Variants in CACNA1C observed in about 807,000 individuals in gnomAD.
The protein encoded by CACNA1C is calcium voltage-gated channel subunit alpha1 C, also known as voltage-dependent L-type calcium channel subunit alpha-1C.
Under a neutral mutation model 229.0 loss-of-function variants are expected in CACNA1C, and 30 were observed. The observed-to-expected ratio is 0.13, with a 90% CI of 0.10 to 0.18. CACNA1C has a LOEUF of 0.18. Ranked by LOEUF, CACNA1C falls within the 10% of genes least tolerant of loss-of-function variation. CACNA1C has a pLI of 1.00. For missense variants in CACNA1C, 1,658 were observed against 2,845.0 expected (o/e 0.58, Z 9.49); for synonymous variants, 1,114 against 1,132.5 (o/e 0.98, Z 0.33).
chr12:2,610,425 C>T (rs938978993), intron 27 of CACNA1C, 116 bp from the exon 28 acceptor site: 83 of 1,052,396 alleles, frequency 7.9e-5, no homozygotes, highest in African/African-American at 1.4e-4. Flanking sequence ...CTCAGACTTC[C>T]GGAGAACCCC....
At chr12:1,981,580 CAT>C (rs1362255857) in intron 1 of CACNA1C, among the ~76,000 whole-genome samples, 43 of 152,278 alleles carry the variant, frequency 2.8e-4, no homozygotes, top group African/African-American at 7.2e-4. Context: ...TATATGTTTA[CAT>C]GTCTGTCTTT....
chr12:2,604,824 A>G (rs1221853020), intron 22 of CACNA1C, among the ~76,000 whole-genome samples: 1 of 152,138 alleles, frequency 6.6e-6, no homozygotes, highest in African/African-American at 2.4e-5. Flanking sequence ...TACATTGCTA[A>G]TGACCTGCCA....
At chr12:2,289,722 T>C (rs2093248007) in intron 3 of CACNA1C, among the ~76,000 whole-genome samples, 1 of 151,832 alleles carries the variant, frequency 6.6e-6, no homozygotes, top group African/African-American at 2.4e-5. Context: ...ATATGGGCAA[T>C]GATCCAAGCT....
chr12:2,069,617 T>C (rs764505374), intron 1 of CACNA1C, among the ~76,000 whole-genome samples: 1 of 152,224 alleles, frequency 6.6e-6, no homozygotes, highest in Non-Finnish European at 1.5e-5. Context: ...ACCATTTAAT[T>C]TTCCCATGTC....
At chr12:2,676,295 T>C (rs11062310) in intron 39 of CACNA1C, 22,893 of 151,900 alleles carry the variant, frequency 0.15, 3,411 homozygotes, top group African/African-American at 0.38. Flanking sequence ...CTGCTATGGA[T>C]GTGGCTATTT....
rs567711268 is a variant in CACNA1C, at chr12:2,320,362, A to G, written c.478-128614A>G. Among the ~76,000 whole-genome samples, 7 of 152,328 alleles carry G rather than the reference A, an allele frequency of 4.6e-5. No individual in the cohort carries two copies. In the South Asian group the frequency reaches 1.5e-3, roughly 32 times the overall value. ...CCATGTATTTGTTGAATATGTATGCATATTTTAGCAAAAATAAAAAGTAAG... is the reference window on the plus strand; with the variant it reads ...CCATGTATTTGTTGAATATGTATGCGTATTTTAGCAAAAATAAAAAGTAAG... On this transcript the variant is annotated intron_variant, in intron 3 of 46. Coordinates refer to ENST00000399655, the MANE Select transcript of CACNA1C (RefSeq NM_000719.7).
intron 3 of CACNA1C, among the ~76,000 whole-genome samples, chr12:2,237,554 A>G (rs2067921362): frequency 6.6e-6 from 1 of 152,246 alleles, no homozygotes; most frequent in African/African-American, 2.4e-5. Context: ...GAGATGCTTC[A>G]GAGTGTTGTA....
intron 3 of CACNA1C, among the ~76,000 whole-genome samples, chr12:2,274,831 GGTGGAGTTCCAGGCTGGCTGGT>G (rs1199031369): frequency 6.6e-6 from 1 of 152,210 alleles, no homozygotes; most frequent in Non-Finnish European, 1.5e-5. Context: ...AACATGAGAT[GGTGGAGTTCCAGGCTGGCTGGT>G]GTGGGGCCCC....
intron 1 of CACNA1C, among the ~76,000 whole-genome samples, chr12:2,028,292 C>A (rs1455346018): frequency 6.6e-6 from 1 of 152,222 alleles, no homozygotes; most frequent in African/African-American, 2.4e-5. Context: ...TGAGCCAGAA[C>A]AACCCCATGC....
chr12:1,979,011 CTT>C (rs1440061441), intron 1 of CACNA1C, among the ~76,000 whole-genome samples: 1 of 152,064 alleles, frequency 6.6e-6, no homozygotes, highest in Non-Finnish European at 1.5e-5. Flanking sequence ...GTGTAAAAGT[CTT>C]TGTGTGGACA....
intron 3 of CACNA1C, among the ~76,000 whole-genome samples, chr12:2,330,240 A>G (rs1191172771): frequency 6.6e-6 from 1 of 152,200 alleles, no homozygotes; most frequent in Non-Finnish European, 1.5e-5. Context: ...TGACCTGAGC[A>G]TGAGATGCCG....
At chr12:2,375,219 G>A (rs1384011604) in intron 3 of CACNA1C, among the ~76,000 whole-genome samples, 3 of 152,208 alleles carry the variant, frequency 2.0e-5, no homozygotes, top group Admixed American at 2.0e-4. Flanking sequence ...AAGGAGACAG[G>A]ATGGTTGAGA....
At chr12:2,223,651 C>T (rs911026027) in intron 3 of CACNA1C, among the ~76,000 whole-genome samples, 2 of 152,160 alleles carry the variant, frequency 1.3e-5, no homozygotes, top group African/African-American at 4.8e-5. Context: ...AATCGGATCT[C>T]TCTGACTCTA....
intron 3 of CACNA1C, among the ~76,000 whole-genome samples, chr12:2,199,658 AG>A (rs1215184493): frequency 6.6e-6 from 1 of 152,098 alleles, no homozygotes; most frequent in Non-Finnish European, 1.5e-5. Flanking sequence ...CACATTGTTT[AG>A]GGGCAAACTG....
At chr12:2,582,665 G>A (rs2060965580) in intron 14 of CACNA1C, among the ~76,000 whole-genome samples, 157 bp from the exon 15 acceptor site, 1 of 152,168 alleles carries the variant, frequency 6.6e-6, no homozygotes, top group African/African-American at 2.4e-5. Context: ...CAATAGCTCA[G>A]AGCCCCTGGG....
At chr12:2,232,605 T>A (rs753813341) in intron 3 of CACNA1C, among the ~76,000 whole-genome samples, 1 of 152,180 alleles carries the variant, frequency 6.6e-6, no homozygotes, top group Non-Finnish European at 1.5e-5. Flanking sequence ...AATATCATGC[T>A]TTTTGTCAAG....
chr12:2,227,046 C>G (rs1376670110), intron 3 of CACNA1C, among the ~76,000 whole-genome samples: 1 of 152,148 alleles, frequency 6.6e-6, no homozygotes, highest in South Asian at 2.1e-4. Context: ...CAGTCCTCAC[C>G]AAGAACTCCC....
At position 2,029,660 on chromosome 12, in the gene CACNA1C, G is replaced by A. The variant is rs1054054515; in HGVS notation, c.139+58459G>A. Among the ~76,000 whole-genome samples, 3 of 152,102 alleles carry A rather than the reference G, an allele frequency of 2.0e-5. No individual in the cohort carries two copies. Among genetic ancestry groups the A allele is most frequent in the East Asian group, 1.9e-4 (1 of 5,196 alleles). ...TTGGTTAAAGAATTTTGTTGCCTTTGTCTCTCACCACTCCCGAAGTGAGGC... is the reference window on the plus strand; with the variant it reads ...TTGGTTAAAGAATTTTGTTGCCTTTATCTCTCACCACTCCCGAAGTGAGGC... On this transcript the variant is annotated intron_variant, in intron 1 of 46. Coordinates refer to the CACNA1C transcript ENST00000682462. The surrounding 1 kb of genome is among the most constrained non-coding windows in gnomAD (Gnocchi z 4.9).
rs1014756191 is a variant in CACNA1C at position 2,601,568 on chromosome 12, G to C, written c.2854-286G>C. On this transcript the variant is annotated intron_variant, in intron 21 of 46. Transcript: ENST00000399655. This position sits in a 1 kb window ranked among gnomAD's most constrained non-coding sequence, Gnocchi z 5.9. The stretch of plus-strand genomic sequence containing the variant: ...AGTGCGAAATTAGAGTGGGATGGTG[G>C]GGCCCACTTGAAAGGGCTTTGAATG... 1.1e-4 allele frequency among the ~76,000 whole-genome samples: 16 copies of C among 152,314 alleles called. No homozygotes were observed. Among genetic ancestry groups the C allele is most frequent in the Middle Eastern group, 3.4e-3 (1 of 294 alleles).
Sources: allele counts gnomAD v4.1 joint callset (sites outside exome capture counted in the v4.1 genomes callset), GRCh38; gene constraint gnomAD v4.1.1; non-coding constraint Gnocchi (gnomAD v3.1); transcripts MANE v1.5; gene names NCBI Gene and HGNC (gene_info 2026-07-23, HGNC 2026-07-21).